The following HDC variants were observed in gnomAD, a reference collection of about 807,000 sequenced individuals.
HDC encodes histidine decarboxylase.
In HDC, 27 loss-of-function variants were observed where a neutral mutation model predicts 64.4. The ratio of observed to expected loss-of-function variants is 0.42; its 90% CI spans 0.31 to 0.58. The LOEUF (loss-of-function observed/expected upper bound fraction) is 0.58, where lower values mean the gene tolerates loss of function less well. Ranked by LOEUF, HDC falls within the 20% of genes least tolerant of loss-of-function variation. The pLI is 0.16. For missense variants in HDC, 711 were observed against 833.9 expected (o/e 0.85, Z 1.81); for synonymous variants, 305 against 314.2 (o/e 0.97, Z 0.31).
intron 9 of HDC, among the ~76,000 whole-genome samples, chr15:50,251,044 A>G (rs1392974697): frequency 6.6e-6 from 1 of 152,250 alleles, no homozygotes; most frequent in Non-Finnish European, 1.5e-5. Flanking sequence ...GGATGCTTAC[A>G]GGGGTCAGAC....
intron 2 of HDC, among the ~76,000 whole-genome samples, chr15:50,260,708 C>T (rs763697839): frequency 2.6e-5 from 4 of 152,168 alleles, no homozygotes; most frequent in Non-Finnish European, 4.4e-5. Flanking sequence ...GTTTTGCAGG[C>T]GAGAACTGGG....
intron 9 of HDC, 70 bp downstream of exon 9, chr15:50,252,360 G>T: frequency 1.7e-6 from 2 of 1,152,564 alleles, no homozygotes; most frequent in South Asian, 1.2e-5. Flanking sequence ...TACAGATTTT[G>T]GGGGGTCAGA....
intron 9 of HDC, among the ~76,000 whole-genome samples, chr15:50,250,130 C>T (rs1185227177): frequency 2.0e-5 from 3 of 152,178 alleles, no homozygotes; most frequent in Non-Finnish European, 4.4e-5. Context: ...AGAATCTAGC[C>T]CTGATTTTAG....
At position 50,253,692 on chromosome 15, in the gene HDC, C is replaced by T. The variant is rs1341516252; in HGVS notation, c.721-26G>A. Reference sequence around the variant, plus strand: ...CTAGGGGAAAATTAAGGCAAGTTAACACAGGAGGGTGGGCTCGTGTGACAC... The same window carrying T: ...CTAGGGGAAAATTAAGGCAAGTTAATACAGGAGGGTGGGCTCGTGTGACAC... On this transcript the variant is annotated intron_variant, in intron 6 of 11. Transcript: ENST00000267845. 1.9e-6 allele frequency: 3 copies of T among 1,601,478 alleles called. No individual in the cohort carries two copies. The South Asian group carries it at 3.3e-5, about 18-fold the overall frequency.
rs2045596158 is a variant in HDC at position 50,254,243 on chromosome 15, T to C, written c.607A>G (p.Ile203Val). The stretch of plus-strand genomic sequence containing the variant: ...AGAAATTTCATCTTCACAAGGGAAA[T>C]CAAACCAGCCTTTTCCACAGAGGAG... Reference protein sequence around the residue: ...AHSSVEKAGLISLVKMKFLPV... With the variant: ...AHSSVEKAGLVSLVKMKFLPV... The change falls in exon 6 of 12, where the codon ATT (isoleucine) becomes GTT (valine). Residue 203 changes from isoleucine (I) to valine (V), a missense_variant. Transcript: ENST00000267845. The C allele has an allele frequency of 1.9e-6, 3 of 1,614,044 alleles. No individual in the cohort carries two copies. In the South Asian group the frequency reaches 3.3e-5, roughly 18 times the overall value.
At chr15:50,265,550 G>A (rs772425520) in intron 1 of HDC, 43 bp downstream of exon 1, 2 of 1,593,986 alleles carry the variant, frequency 1.3e-6, no homozygotes, top group Non-Finnish European at 1.7e-6. Flanking sequence ...CGTTCCTGCA[G>A]GAGTAGCAGC....
At chr15:50,253,962 AT>A in intron 6 of HDC, 167 bp downstream of exon 6, 1 of 741,890 alleles carries the variant, frequency 1.3e-6, no homozygotes, top group East Asian at 2.7e-5. Context: ...GACCCACAAA[AT>A]TTATTCCATA....
chr15:50,254,056 C>A (rs759880363), intron 6 of HDC, 74 bp downstream of exon 6: 1 of 1,523,064 alleles, frequency 6.6e-7, no homozygotes, highest in African/African-American at 1.4e-5. Flanking sequence ...ATGTTACTTA[C>A]CTGAATTCTG....
At chr15:50,253,082 C>G (rs1280987535) in intron 7 of HDC, 2 of 475,128 alleles carry the variant, frequency 4.2e-6, no homozygotes, top group African/African-American at 2.0e-5. Flanking sequence ...CCCACCAGCA[C>G]AGAGAGCAAT....
In HDC at chr15:50,242,079, CT is replaced by C; in HGVS notation, c.*180del. On this transcript the variant is annotated 3_prime_UTR_variant, in exon 12 of 12. Transcript: ENST00000267845. ...GCTGAACCCATCTGGATCATGCTGGCTTAAACTCTTCGTTTGTATCCTATTG... is the reference window on the plus strand; with the variant it reads ...GCTGAACCCATCTGGATCATGCTGGCTAAACTCTTCGTTTGTATCCTATTG... The C allele has an allele frequency of 1.5e-6, 1 of 652,540 alleles. No individual in the cohort carries two copies. Among genetic ancestry groups the C allele is most frequent in the Non-Finnish European group, 2.7e-6 (1 of 369,896 alleles). The allele number at this position is 652,540 out of a possible 1,614,324, so 40.4% of individuals were successfully genotyped here. A position where few individuals can be genotyped will look rare whatever the true frequency, so the allele number is the denominator to read the frequency against.
At chr15:50,264,856 G>T (rs2045747425) in intron 1 of HDC, among the ~76,000 whole-genome samples, 1 of 152,138 alleles carries the variant, frequency 6.6e-6, no homozygotes, top group African/African-American at 2.4e-5. Flanking sequence ...GAGAGCTCTA[G>T]ACCTAACCCT....
At chr15:50,256,408 A>C (rs1374231877) in intron 4 of HDC, among the ~76,000 whole-genome samples, 2 of 152,182 alleles carry the variant, frequency 1.3e-5, no homozygotes, top group Non-Finnish European at 2.9e-5. Context: ...TTATTTTTTG[A>C]GACAAGGTCT....
rs1173241935 is a variant in HDC, at chr15:50,263,287, G to A, written c.152C>T (p.Pro51Leu). The stretch of plus-strand genomic sequence containing the variant: ...CCCAAAGATGCTGTCCCAGCTGTCG[G>A]GGTCCTCAGGAGCACTCTCAGGCAG... Reference protein sequence around the residue: ...AQLPESAPEDPDSWDSIFGDI... With the variant: ...AQLPESAPEDLDSWDSIFGDI... Residue 51 changes from proline to leucine, a missense_variant, in exon 2 of 12, where the codon CCC becomes CTC. Physicochemically the swap from Pro to Leu is moderately conservative, Grantham distance 98. This residue lies in a region of HDC where 225 missense variants were observed against 276.2 expected (regional missense o/e 0.81). Coordinates refer to ENST00000267845, the MANE Select transcript of HDC (RefSeq NM_002112.4). 1.2e-6 allele frequency: 2 copies of A among 1,614,156 alleles called. No individual in the cohort carries two copies. The highest frequency in any genetic ancestry group is 1.7e-6 in the Non-Finnish European group (2 of 1,180,036).
In HDC at chr15:50,243,364, C is replaced by T. The variant is rs895772796; in HGVS notation, c.1141-120G>A. On this transcript the variant is annotated intron_variant, in intron 10 of 11. Coordinates refer to ENST00000267845, the MANE Select transcript of HDC (RefSeq NM_002112.4). ...ATCTTCCCGTCACAGCCGTTGTAAG[C>T]GGCTTCTGCCTCATTGTCATCTCCA... is the stretch of plus-strand genomic sequence containing the variant. 4.4e-5 allele frequency: 33 copies of T among 750,402 alleles called. 2 individuals carry two copies. Among genetic ancestry groups the T allele is most frequent in the South Asian group, 3.4e-4 (23 of 68,246 alleles). 46.5% of individuals were successfully genotyped at this position (750,402 alleles called of 1,614,324 possible).
rs377596206 is a variant in HDC at position 50,265,661 on chromosome 15, G to T, written c.-38C>A. 1.9e-6 allele frequency: 3 copies of T among 1,608,466 alleles called. No individual in the cohort carries two copies. Among genetic ancestry groups the T allele is most frequent in the Admixed American group, 1.7e-5 (1 of 59,964 alleles). ...CTGGCTCCTTCTCACAGATGGACAC[G>T]CAGGAGGTGGAAGGCGTGAAAGGCG... On this transcript the variant is annotated 5_prime_UTR_variant, in exon 1 of 12. Coordinates refer to ENST00000267845, the MANE Select transcript of HDC (RefSeq NM_002112.4).
chr15:50,242,479 C>T lies in HDC; in HGVS notation c.1770G>A (p.Val590=), dbSNP rs35670478. The T allele has an allele frequency of 6.5e-3, 10,490 of 1,614,148 alleles. 618 individuals carry two copies. In the African/African-American group the frequency reaches 0.13, roughly 19 times the overall value. Residue 590 remains valine (V), a synonymous_variant, in exon 12 of 12, where the codon GTG becomes GTA. Transcript: ENST00000267845. ...GCAGTGGCTTCTGAGCACTCACTGG[C>T]ACACTGTTGCAACTGAGGGAGCGCA... ...KTVRSLSCNS[V]PVSAQKPLPT...
Position 50,254,121 on chromosome 15 carries a change from C to T in HDC, c.720+9G>A. 2 of 1,614,136 alleles carry T rather than the reference C, an allele frequency of 1.2e-6. No homozygotes were observed. Among genetic ancestry groups the T allele is most frequent in the Non-Finnish European group, 1.7e-6 (2 of 1,180,020 alleles). ...ATCATTCTAAGCTTAGGCATATATCCTGACTTACAAAGACGGGCACCAAGC... is the reference window on the plus strand; with the variant it reads ...ATCATTCTAAGCTTAGGCATATATCTTGACTTACAAAGACGGGCACCAAGC... On this transcript the variant is annotated intron_variant, in intron 6 of 11. Transcript: ENST00000267845.
intron 2 of HDC, 92 bp from the exon 3 acceptor site, chr15:50,258,609 AC>A: frequency 1.3e-6 from 1 of 757,232 alleles, no homozygotes; most frequent in Non-Finnish European, 2.4e-6. Flanking sequence ...GTGAAGTGTC[AC>A]TCTAGAGATG....
chr15:50,243,041 G>A (rs375493068), intron 11 of HDC, 35 bp from the exon 12 acceptor site: 18 of 1,613,946 alleles, frequency 1.1e-5, no homozygotes, highest in South Asian at 3.3e-5. Context: ...AGTCTCCATC[G>A]CACCCCCTGT....
Sources: gnomAD v4.1 joint callset for allele counts (sites outside exome capture counted in the v4.1 genomes callset) on GRCh38, gnomAD v4.1.1 for gene constraint, gnomAD v4.1.1 regional missense constraint, MANE v1.5 for transcripts, NCBI Gene and HGNC (gene_info 2026-07-23, HGNC 2026-07-21) for gene names.